The following RIMS2 variants were observed in gnomAD, a reference collection of about 807,000 sequenced individuals.
The protein encoded by RIMS2 is regulating synaptic membrane exocytosis 2.
In RIMS2, 59 loss-of-function variants were observed where a neutral mutation model predicts 174.4. That is an observed-to-expected ratio of 0.34 (90% CI 0.27 to 0.42). The LOEUF (loss-of-function observed/expected upper bound fraction) is 0.42. Among genes scored for constraint, RIMS2 ranks in the 10% least tolerant of loss-of-function variants. The pLI is 1.00. For missense variants in RIMS2, 1,620 were observed against 1,666.3 expected, an observed-to-expected ratio of 0.97 and a Z score of 0.48; for synonymous variants, 606 against 572.5, an observed-to-expected ratio of 1.06 and a Z score of -0.84.
chr8:103,795,861 C>G (rs1387649501), intron 3 of RIMS2, among the ~76,000 whole-genome samples: 1 of 152,124 alleles, frequency 6.6e-6, no homozygotes, highest in African/African-American at 2.4e-5. Flanking sequence ...ATTTACAACT[C>G]CAAGTTCTAT....
At chr8:104,076,235 A>G (rs2097289643) in intron 19 of RIMS2, among the ~76,000 whole-genome samples, 1 of 152,182 alleles carries the variant, frequency 6.6e-6, no homozygotes, top group Non-Finnish European at 1.5e-5. Flanking sequence ...TAGCCTAATT[A>G]AAAGAGTCAT....
intron 3 of RIMS2, among the ~76,000 whole-genome samples, chr8:103,779,865 C>A (rs1488809814): frequency 6.6e-6 from 1 of 150,828 alleles, no homozygotes; most frequent in Non-Finnish European, 1.5e-5. Flanking sequence ...AACAAACCTG[C>A]ACATTGTGCA....
At chr8:104,015,351 A>G (rs1192915347) in intron 19 of RIMS2, 8 of 624,956 alleles carry the variant, frequency 1.3e-5, no homozygotes, top group Non-Finnish European at 2.3e-5. Context: ...GTTGTTTTTA[A>G]CCCCTGTGCT....
intron 1 of RIMS2, among the ~76,000 whole-genome samples, chr8:103,691,106 C>G (rs1003144877): frequency 2.0e-5 from 3 of 152,120 alleles, no homozygotes; most frequent in Middle Eastern, 3.2e-3. Flanking sequence ...TCTCTTGCTG[C>G]TTTTGGGATT....
At chr8:103,654,284 A>G (rs2096495386) in intron 1 of RIMS2, among the ~76,000 whole-genome samples, 1 of 152,006 alleles carries the variant, frequency 6.6e-6, no homozygotes. Context: ...AAAAAATGAT[A>G]TTTAGATTAT....
chr8:104,085,199 T>A (rs1009862536), intron 19 of RIMS2, among the ~76,000 whole-genome samples: 2 of 152,214 alleles, frequency 1.3e-5, no homozygotes, highest in African/African-American at 4.8e-5. Flanking sequence ...AGCCCAGGGC[T>A]GGTACTATTA....
intron 2 of RIMS2, among the ~76,000 whole-genome samples, chr8:103,709,541 C>G (rs1372640513): frequency 6.6e-6 from 1 of 152,124 alleles, no homozygotes; most frequent in Non-Finnish European, 1.5e-5. Flanking sequence ...TGGAGCAATG[C>G]TCAGTTTAGC....
intron 19 of RIMS2, among the ~76,000 whole-genome samples, chr8:104,096,198 GA>G (rs2097759427): frequency 6.6e-6 from 1 of 151,994 alleles, no homozygotes; most frequent in Admixed American, 6.6e-5. Flanking sequence ...CAGGAGCAAA[GA>G]AAAGAATGAG....
At chr8:104,225,562 T>C (rs991409440) in intron 19 of RIMS2, among the ~76,000 whole-genome samples, 4 of 152,226 alleles carry the variant, frequency 2.6e-5, no homozygotes, top group Non-Finnish European at 5.9e-5. Flanking sequence ...ATTAGGATTG[T>C]TGAGTTTACA....
intron 19 of RIMS2, among the ~76,000 whole-genome samples, chr8:104,025,382 G>A (rs2096229571): frequency 6.6e-6 from 1 of 152,026 alleles, no homozygotes; most frequent in Non-Finnish European, 1.5e-5. Flanking sequence ...CAGCTACTTG[G>A]GAGCTTGAGG....
At chr8:103,901,329 T>C (rs1236850079) in intron 4 of RIMS2, among the ~76,000 whole-genome samples, 1 of 152,146 alleles carries the variant, frequency 6.6e-6, no homozygotes, top group African/African-American at 2.4e-5. Flanking sequence ...GAATTTCAAG[T>C]ACATGCAGCT....
At chr8:103,837,727 T>C (rs1444451982) in intron 3 of RIMS2, among the ~76,000 whole-genome samples, 1 of 152,182 alleles carries the variant, frequency 6.6e-6, no homozygotes, top group Non-Finnish European at 1.5e-5. Flanking sequence ...TTCCATGGTG[T>C]ATATGTGCCA....
At chr8:103,970,823 G>A (rs920935295) in intron 15 of RIMS2, among the ~76,000 whole-genome samples, 1 of 152,186 alleles carries the variant, frequency 6.6e-6, no homozygotes, top group African/African-American at 2.4e-5. Flanking sequence ...TGTTAGGACA[G>A]TGAAAACATT....
intron 1 of RIMS2, among the ~76,000 whole-genome samples, chr8:103,650,850 C>T (rs537057647): frequency 1.4e-4 from 21 of 152,354 alleles, no homozygotes; most frequent in African/African-American, 4.8e-4. Context: ...AGACTCCAGC[C>T]TGCTACTACC....
intron 19 of RIMS2, among the ~76,000 whole-genome samples, chr8:104,120,721 A>G (rs72685007): frequency 0.036 from 5,524 of 152,288 alleles, 137 homozygotes; most frequent in Middle Eastern, 0.14. Context: ...AACTTAGAGT[A>G]TTATAAATTA....
At chr8:103,540,209 C>T (rs1365132707) in intron 1 of RIMS2, among the ~76,000 whole-genome samples, 2 of 152,228 alleles carry the variant, frequency 1.3e-5, no homozygotes, top group Non-Finnish European at 2.9e-5. Context: ...GACACTGTTG[C>T]CACCACCAAC....
At chr8:104,187,837 A>G (rs1369186143) in intron 19 of RIMS2, among the ~76,000 whole-genome samples, 1 of 151,816 alleles carries the variant, frequency 6.6e-6, no homozygotes, top group Non-Finnish European at 1.5e-5. Context: ...TTGGTATAAA[A>G]AAATGTTCCT....
chr8:103,715,420 G>A (rs1404018114), intron 2 of RIMS2, among the ~76,000 whole-genome samples: 1 of 152,050 alleles, frequency 6.6e-6, no homozygotes, highest in Non-Finnish European at 1.5e-5. Context: ...CAAAATGTGG[G>A]ATTTTAATAT....
At chr8:103,900,335 T>C (rs1377277036) in intron 4 of RIMS2, among the ~76,000 whole-genome samples, 1 of 151,658 alleles carries the variant, frequency 6.6e-6, no homozygotes, top group Admixed American at 6.6e-5. Context: ...GCGATTCTCC[T>C]GCCTCAGCCT....
Sources: allele counts gnomAD v4.1 joint callset (sites outside exome capture counted in the v4.1 genomes callset), GRCh38; gene constraint gnomAD v4.1.1; transcripts MANE v1.5; gene names NCBI Gene and HGNC (gene_info 2026-07-23, HGNC 2026-07-21).